Variants in LRP1B observed in about 807,000 individuals in gnomAD.
The protein encoded by LRP1B is low-density lipoprotein receptor-related protein 1B.
A neutral mutation model predicts 556.6 loss-of-function variants in LRP1B; 217 were observed. The observed-to-expected ratio is 0.39, with a 90% CI of 0.35 to 0.44. LRP1B has a LOEUF of 0.44. Among genes scored for constraint, LRP1B ranks in the 20% least tolerant of loss-of-function variants. LRP1B has a pLI of 1.00. For missense variants in LRP1B, 5,053 were observed against 5,620.8 expected, an observed-to-expected ratio of 0.90 and a Z score of 3.23; for synonymous variants, 2,047 against 1,865.8, an observed-to-expected ratio of 1.10 and a Z score of -2.50.
At chr2:142,032,255 T>C (rs1216124256) in intron 1 of LRP1B, among the ~76,000 whole-genome samples, 1 of 151,880 alleles carries the variant, frequency 6.6e-6, no homozygotes, top group Non-Finnish European at 1.5e-5. Context: ...TTTTTCTTCC[T>C]GTTTGAGTGT....
intron 2 of LRP1B, among the ~76,000 whole-genome samples, chr2:141,701,451 C>T (rs994040083): frequency 5.9e-5 from 9 of 151,744 alleles, no homozygotes; most frequent in Non-Finnish European, 1.0e-4. Context: ...ATTCCAGATT[C>T]ACAGACAGAA....
chr2:140,506,203 A>G (rs1689402838), intron 53 of LRP1B, among the ~76,000 whole-genome samples: 1 of 152,084 alleles, frequency 6.6e-6, no homozygotes, highest in Non-Finnish European at 1.5e-5. Flanking sequence ...ATTTCAAAAT[A>G]CGTTAAACCA....
At chr2:141,047,052 A>G (rs868714807) in intron 11 of LRP1B, among the ~76,000 whole-genome samples, 13 of 142,888 alleles carry the variant, frequency 9.1e-5, no homozygotes, top group Non-Finnish European at 1.5e-4. Flanking sequence ...ACTGCACAAA[A>G]ATTAATAATA....
At chr2:140,583,985 C>T (rs1021673376) in intron 43 of LRP1B, among the ~76,000 whole-genome samples, 1 of 152,080 alleles carries the variant, frequency 6.6e-6, no homozygotes, top group African/African-American at 2.4e-5. Flanking sequence ...TGTAGTCATA[C>T]AATACCTGAG....
intron 32 of LRP1B, among the ~76,000 whole-genome samples, chr2:140,778,656 T>G (rs1271161316): frequency 6.6e-6 from 1 of 152,020 alleles, no homozygotes; most frequent in Non-Finnish European, 1.5e-5. Context: ...TGAGAGGAAA[T>G]AAAAATTTAA....
At chr2:140,588,786 T>C (rs567745132) in intron 43 of LRP1B, among the ~76,000 whole-genome samples, 3 of 152,078 alleles carry the variant, frequency 2.0e-5, no homozygotes, top group South Asian at 2.1e-4. Flanking sequence ...GGTGAAACCC[T>C]GTCTCTCCTA....
At chr2:141,299,221 G>C (rs1231519974) in intron 3 of LRP1B, among the ~76,000 whole-genome samples, 1 of 152,080 alleles carries the variant, frequency 6.6e-6, no homozygotes, top group Non-Finnish European at 1.5e-5. Flanking sequence ...CACATTCTTA[G>C]GATGTGATAA....
chr2:141,801,500 T>G (rs973195435), intron 2 of LRP1B, among the ~76,000 whole-genome samples: 10 of 152,134 alleles, frequency 6.6e-5, no homozygotes, highest in African/African-American at 1.7e-4. Flanking sequence ...TAGCCGTTAT[T>G]TGCACTTCCA....
At chr2:141,855,942 T>A (rs967154829) in intron 1 of LRP1B, among the ~76,000 whole-genome samples, 5 of 152,152 alleles carry the variant, frequency 3.3e-5, no homozygotes, top group African/African-American at 1.2e-4. Flanking sequence ...TATTTTAATG[T>A]AAAATAAAAT....
intron 3 of LRP1B, among the ~76,000 whole-genome samples, chr2:141,452,502 CT>C (rs1162508150): frequency 2.0e-5 from 3 of 152,316 alleles, no homozygotes; most frequent in South Asian, 2.1e-4. Context: ...GAATTCTATA[CT>C]GTTTTCTGTA....
intron 1 of LRP1B, among the ~76,000 whole-genome samples, chr2:142,044,035 A>G (rs1704158093): frequency 1.3e-5 from 2 of 151,742 alleles, no homozygotes; most frequent in South Asian, 4.1e-4. Context: ...CTTCAATAAC[A>G]TATATCTTCA....
At chr2:140,692,568 A>G (rs2105402095) in intron 41 of LRP1B, among the ~76,000 whole-genome samples, 1 of 152,204 alleles carries the variant, frequency 6.6e-6, no homozygotes, top group Non-Finnish European at 1.5e-5. Context: ...TTTCATTATA[A>G]ATTTTCTTAA....
chr2:141,731,306 C>T (rs1693265154), intron 2 of LRP1B, among the ~76,000 whole-genome samples: 1 of 152,038 alleles, frequency 6.6e-6, no homozygotes, highest in African/African-American at 2.4e-5. Context: ...TTGAAAATGC[C>T]TTCAGAAGGC....
Position 140,335,918 on chromosome 2 carries a change from A to C in LRP1B, c.11893-80T>G, listed in dbSNP as rs958143253. 9 of 851,146 alleles carry C rather than the reference A, an allele frequency of 1.1e-5. No homozygotes were observed. The African/African-American group carries it at 1.5e-4, about 14-fold the overall frequency. The allele number at this position is 851,146 out of a possible 1,614,324, so 52.7% of individuals were successfully genotyped here. ...TTTTCTGTATCTTTACATTGAAGTT[A>C]TGGGGGAATTGTAAGAACATAGTCA... On this transcript the variant is annotated intron_variant, in intron 77 of 90. Transcript: ENST00000389484.
intron 2 of LRP1B, among the ~76,000 whole-genome samples, chr2:141,509,931 G>A (rs6429899): frequency 0.97 from 148,194 of 152,120 alleles, 72,300 homozygotes; most frequent in East Asian, 1. Context: ...GCAATAAATG[G>A]TATAACTTAG....
rs528702138 is a variant in LRP1B at position 140,304,122 on chromosome 2, G to A, written c.12806-6153C>T. Reference sequence around the variant, plus strand: ...GTGAATAGTTCCGTAATAAACGTACGTGTCCATGTGTCTTTACAGCAGCAT... The same window carrying A: ...GTGAATAGTTCCGTAATAAACGTACATGTCCATGTGTCTTTACAGCAGCAT... On this transcript the variant is annotated intron_variant, in intron 83 of 90. Coordinates refer to ENST00000389484, the MANE Select transcript of LRP1B (RefSeq NM_018557.3). Among the ~76,000 whole-genome samples the A allele has an allele frequency of 6.6e-5, 10 of 152,232 alleles. No homozygotes were observed. In the East Asian group the frequency reaches 1.4e-3, roughly 21 times the overall value.
At chr2:141,282,225 T>A (rs572951809) in intron 3 of LRP1B, among the ~76,000 whole-genome samples, 32 of 152,114 alleles carry the variant, frequency 2.1e-4, no homozygotes, top group African/African-American at 7.5e-4. Flanking sequence ...CGTAATATAA[T>A]TCTTGGGACA....
intron 5 of LRP1B, among the ~76,000 whole-genome samples, 178 bp from the exon 6 acceptor site, chr2:141,229,618 G>GA (rs1259621358): frequency 6.6e-6 from 1 of 151,112 alleles, no homozygotes; most frequent in Non-Finnish European, 1.5e-5. Context: ...GTACTTCTCT[G>GA]AAAAAAAAAT....
chr2:140,253,732 A>G lies in LRP1B; in HGVS notation c.13248-6570T>C, dbSNP rs367925612. Among the ~76,000 whole-genome samples the G allele has an allele frequency of 4.1e-4, 62 of 152,300 alleles. No individual in the cohort carries two copies. In the Middle Eastern group the frequency reaches 0.034, roughly 84 times the overall value. On this transcript the variant is annotated intron_variant, in intron 86 of 90. Coordinates refer to ENST00000389484, the MANE Select transcript of LRP1B (RefSeq NM_018557.3). ...TTTTCTGAGTGAGAAGACAATTTCT[A>G]TTTAACTGAATACATTACATGCATC...
Sources: gnomAD v4.1 joint callset for allele counts (sites outside exome capture counted in the v4.1 genomes callset) on GRCh38, gnomAD v4.1.1 for gene constraint, MANE v1.5 for transcripts, NCBI Gene and HGNC (gene_info 2026-07-23, HGNC 2026-07-21) for gene names.